TRIM9: variants seen among roughly 807,000 people sequenced by gnomAD.
The protein encoded by TRIM9 is tripartite motif containing 9.
A neutral mutation model predicts 78.3 loss-of-function variants in TRIM9; 26 were observed. That is an observed-to-expected ratio of 0.33 (90% CI 0.24 to 0.46). The LOEUF (loss-of-function observed/expected upper bound fraction) is 0.46. TRIM9 is among the 20% of genes least tolerant of loss of function. The pLI, the probability that TRIM9 is intolerant of heterozygous loss-of-function variation, is 1.00. For synonymous variants in TRIM9, 398 were observed against 416.5 expected (o/e 0.96, Z 0.54); for missense variants, 787 against 1,036.4 (o/e 0.76, Z 3.30).
intron 6 of TRIM9, among the ~76,000 whole-genome samples, chr14:50,998,876 A>T (rs554960815): frequency 4.6e-5 from 7 of 152,366 alleles, no homozygotes; most frequent in Non-Finnish European, 7.3e-5. Flanking sequence ...AATTATGCTG[A>T]TGTAATGAAT....
Position 51,044,414 on chromosome 14 carries a change from T to C in TRIM9, c.823-19054A>G, listed in dbSNP as rs145006761. Among the ~76,000 whole-genome samples, 348 of 152,318 alleles carry C rather than the reference T, an allele frequency of 2.3e-3. 1 individual carries two copies. Among genetic ancestry groups the C allele is most frequent in the Middle Eastern group, 0.01 (3 of 294 alleles). ...TTCTGAACCTCCTCTGCAGCTAGGA[T>C]TAGCCACTGAGATGTAGATGATGTT... On this transcript the variant is annotated intron_variant, in intron 1 of 12. Transcript: ENST00000684578.
At chr14:51,074,230 G>A (rs2062556492) in intron 1 of TRIM9, among the ~76,000 whole-genome samples, 1 of 151,798 alleles carries the variant, frequency 6.6e-6, no homozygotes, top group Non-Finnish European at 1.5e-5. Context: ...ACCAGCCTGG[G>A]CAACATAGCA....
intron 12 of TRIM9, among the ~76,000 whole-genome samples, chr14:50,978,240 T>G (rs1169800247): frequency 1.3e-5 from 2 of 152,216 alleles, no homozygotes; most frequent in Non-Finnish European, 2.9e-5. Context: ...CCAAGGCTGG[T>G]TCTGGATAGG....
rs775068985 is a variant in TRIM9 at position 51,008,764 on chromosome 14, C to A, written c.1306+316G>T. On this transcript the variant is annotated intron_variant, in intron 5 of 12. Coordinates refer to ENST00000684578, the MANE Select transcript of TRIM9 (RefSeq NM_001387360.1). ...GATTTATATCAATATTTCTGGATTC[C>A]TTTCTGTACCAAGATTTTATTTATG... 1.1e-4 allele frequency among the ~76,000 whole-genome samples: 16 copies of A among 152,274 alleles called. No homozygotes were observed. In the South Asian group the frequency reaches 3.3e-3, roughly 32 times the overall value.
At chr14:50,977,664 C>G (rs939391792) in intron 12 of TRIM9, among the ~76,000 whole-genome samples, 2 of 152,130 alleles carry the variant, frequency 1.3e-5, no homozygotes, top group Non-Finnish European at 2.9e-5. Context: ...GATAGAGGAG[C>G]CTACTGGCCA....
chr14:51,032,319 T>C (rs1250950769), intron 1 of TRIM9, among the ~76,000 whole-genome samples: 2 of 152,196 alleles, frequency 1.3e-5, no homozygotes, highest in African/African-American at 4.8e-5. Context: ...TACCTAACTG[T>C]AGTGAATACT....
chr14:51,080,581 T>C (rs1318514441), intron 1 of TRIM9, among the ~76,000 whole-genome samples: 1 of 152,138 alleles, frequency 6.6e-6, no homozygotes, highest in Non-Finnish European at 1.5e-5. Context: ...ACTTGGGTGA[T>C]TTAATGTTCT....
chr14:51,052,763 C>A (rs1427051877), intron 1 of TRIM9, among the ~76,000 whole-genome samples: 5 of 152,138 alleles, frequency 3.3e-5, no homozygotes, highest in Admixed American at 3.3e-4. Context: ...CGTCATTGCC[C>A]ATAAATCACT....
intron 1 of TRIM9, among the ~76,000 whole-genome samples, chr14:51,053,070 A>G (rs1356000181): frequency 6.6e-6 from 1 of 151,696 alleles, no homozygotes; most frequent in Non-Finnish European, 1.5e-5. Context: ...TGAGGTGGGA[A>G]GATCATTTGA....
In TRIM9 at chr14:50,982,014, C is replaced by T; in HGVS notation, c.1948G>A (p.Asp650Asn). ...CCAGTCTTCCCTAGCACCACCCGGT[C>T]ATCATAGCTACTACAGGTCACTGTC... ...NLTVTCSSYDDRVVLGKTGFS... is the reference protein window; with the variant it reads ...NLTVTCSSYDNRVVLGKTGFS... The change falls in exon 11 of 13, where the codon GAC (aspartate) becomes AAC (asparagine). Residue 650 changes from aspartate to asparagine, a missense_variant. By Grantham distance (23) the Asp-to-Asn change is conservative. Coordinates refer to ENST00000684578, the MANE Select transcript of TRIM9 (RefSeq NM_001387360.1). 6.2e-7 allele frequency: 1 copy of T among 1,614,170 alleles called. No individual in the cohort carries two copies. Among genetic ancestry groups the T allele is most frequent in the Non-Finnish European group, 8.5e-7 (1 of 1,180,036 alleles).
chr14:51,025,510 T>C, intron 1 of TRIM9, 150 bp from the exon 2 acceptor site: 2 of 657,626 alleles, frequency 3.0e-6, no homozygotes, highest in South Asian at 1.9e-5. Flanking sequence ...AGGTAGATTC[T>C]GGTGTCGAAA....
At chr14:51,040,327 C>T (rs1181942817) in intron 1 of TRIM9, among the ~76,000 whole-genome samples, 2 of 152,156 alleles carry the variant, frequency 1.3e-5, no homozygotes, top group Non-Finnish European at 2.9e-5. Flanking sequence ...ACTGCATTTG[C>T]TGAAGACTCT....
intron 5 of TRIM9, among the ~76,000 whole-genome samples, chr14:51,003,071 G>T (rs759222470): frequency 1.3e-5 from 2 of 152,174 alleles, no homozygotes; most frequent in African/African-American, 4.8e-5. Context: ...GGACACAGAA[G>T]ACATAATGCC....
chr14:51,030,354 C>T (rs772200692), intron 1 of TRIM9, among the ~76,000 whole-genome samples: 25 of 152,216 alleles, frequency 1.6e-4, no homozygotes, highest in African/African-American at 2.7e-4. Context: ...ATCCCTTCTC[C>T]GGTTTCTCTG....
At chr14:51,039,048 G>A (rs192931298) in intron 1 of TRIM9, among the ~76,000 whole-genome samples, 1 of 152,356 alleles carries the variant, frequency 6.6e-6, no homozygotes, top group African/African-American at 2.4e-5. Flanking sequence ...CCTGGGAAAT[G>A]TTAATCACAA....
chr14:50,996,560 G>T, intron 7 of TRIM9: 1 of 985,408 alleles, frequency 1.0e-6, no homozygotes, highest in South Asian at 4.7e-5. Flanking sequence ...TCTCTGCTCT[G>T]CAGGCATGCA....
intron 7 of TRIM9, chr14:50,997,601 C>T: frequency 3.0e-6 from 3 of 1,009,372 alleles, no homozygotes; most frequent in Non-Finnish European, 3.6e-6. Context: ...TCATACAAAT[C>T]CACGACTGGA....
chr14:51,009,496 T>C (rs1490281186), intron 4 of TRIM9, among the ~76,000 whole-genome samples: 1 of 152,212 alleles, frequency 6.6e-6, no homozygotes, highest in African/African-American at 2.4e-5. Context: ...AATCTGAATA[T>C]ATGATCATGC....
At chr14:50,997,299 C>T in intron 7 of TRIM9, 1 of 985,234 alleles carries the variant, frequency 1.0e-6, no homozygotes, top group Non-Finnish European at 1.2e-6. Flanking sequence ...TCTTTGATGA[C>T]CAAAATATTT....
Sources: gnomAD v4.1 joint callset for allele counts (sites outside exome capture counted in the v4.1 genomes callset) on GRCh38, gnomAD v4.1.1 for gene constraint, MANE v1.5 for transcripts, NCBI Gene and HGNC (gene_info 2026-07-23, HGNC 2026-07-21) for gene names.